The following FAIM2 variants were observed in gnomAD, a reference collection of about 807,000 sequenced individuals.
FAIM2 encodes the protein Fas apoptotic inhibitory molecule 2.
Under a neutral mutation model 47.4 loss-of-function variants are expected in FAIM2, and 27 were observed. The observed-to-expected ratio is 0.57, with a 90% CI of 0.42 to 0.78. The LOEUF (loss-of-function observed/expected upper bound fraction) is 0.78. Ranked by LOEUF, FAIM2 falls within the 30% of genes least tolerant of loss-of-function variation. The pLI is 0.00. For synonymous variants in FAIM2, 156 were observed against 159.3 expected (o/e 0.98, Z 0.16); for missense variants, 311 against 389.4 (o/e 0.80, Z 1.69).
chr12:49,879,282 GTA>G (rs537075049), intron 11 of FAIM2, among the ~76,000 whole-genome samples: 8,673 of 38,862 alleles, frequency 0.22, 1,711 homozygotes, highest in African/African-American at 0.45. Flanking sequence ...GTATATGTGT[GTA>G]TGTGTGTGGG....
intron 2 of FAIM2, chr12:49,900,131 A>G: frequency 1.8e-6 from 2 of 1,103,590 alleles, no homozygotes; most frequent in Non-Finnish European, 2.4e-6. Flanking sequence ...TAGGGAAGGG[A>G]GGAGGACACC....
At position 49,870,458 on chromosome 12, in the gene FAIM2, C is replaced by A. The variant is rs1404108923; in HGVS notation, c.*46G>T. ...GGAGCGCAGGGGAGGGACAGGGAAC[C>A]AGGAGGGGCGCATTCTCTGGAGGAC... On this transcript the variant is annotated 3_prime_UTR_variant, in exon 12 of 12. Transcript: ENST00000320634. 1 of 1,582,800 alleles carries A rather than the reference C, an allele frequency of 6.3e-7. No individual in the cohort carries two copies. The highest frequency in any genetic ancestry group is 8.6e-7 in the Non-Finnish European group (1 of 1,156,342).
intron 5 of FAIM2, among the ~76,000 whole-genome samples, chr12:49,895,826 C>T (rs1301400280): frequency 6.6e-6 from 1 of 152,216 alleles, no homozygotes; most frequent in African/African-American, 2.4e-5. Flanking sequence ...CAGGAACAGA[C>T]TTGGGACAGC....
At chr12:49,880,711 T>C (rs537942292) in intron 11 of FAIM2, among the ~76,000 whole-genome samples, 1 of 126,792 alleles carries the variant, frequency 7.9e-6, no homozygotes, top group East Asian at 2.3e-4. Context: ...TCCATGTGTG[T>C]ACATGCGTGT....
chr12:49,878,758 ATAT>A (rs1287724693), intron 11 of FAIM2, among the ~76,000 whole-genome samples: 5 of 109,712 alleles, frequency 4.6e-5, no homozygotes, highest in African/African-American at 2.1e-4. Context: ...ATATGTGTAT[ATAT>A]TTATTTGTGT....
intron 11 of FAIM2, 130 bp from the exon 12 acceptor site, chr12:49,870,783 G>A: frequency 1.2e-6 from 1 of 804,328 alleles, no homozygotes; most frequent in Non-Finnish European, 2.0e-6. Context: ...TGACTACCCA[G>A]TGGCCCTCCT....
chr12:49,879,714 GTA>G (rs925797698), intron 11 of FAIM2, among the ~76,000 whole-genome samples: 6 of 150,856 alleles, frequency 4.0e-5, no homozygotes, highest in Admixed American at 1.3e-4. Context: ...GTGTGTGTGT[GTA>G]TATGTGCAAG....
chr12:49,878,298 G>T (rs1194134760), intron 11 of FAIM2, among the ~76,000 whole-genome samples: 1 of 135,678 alleles, frequency 7.4e-6, no homozygotes. Context: ...GAGTGTATGG[G>T]TGTATGTGCA....
chr12:49,881,922 G>C (rs1030244848), intron 11 of FAIM2, among the ~76,000 whole-genome samples: 1 of 152,226 alleles, frequency 6.6e-6, no homozygotes, highest in African/African-American at 2.4e-5. Context: ...TCCACTGGGC[G>C]GCCTGCCCTC....
intron 11 of FAIM2, among the ~76,000 whole-genome samples, chr12:49,878,004 G>T (rs1188393709): frequency 6.6e-6 from 1 of 151,486 alleles, no homozygotes; most frequent in Admixed American, 6.6e-5. Context: ...ATGTGTGCAT[G>T]TGCATGTGTG....
chr12:49,884,969 G>A (rs112789089), intron 11 of FAIM2, among the ~76,000 whole-genome samples: 3,841 of 151,946 alleles, frequency 0.025, 70 homozygotes, highest in Middle Eastern at 0.037. Flanking sequence ...GTGAGACTCC[G>A]TCTCAAAAAA....
intron 11 of FAIM2, among the ~76,000 whole-genome samples, chr12:49,871,495 G>A (rs1158487573): frequency 1.3e-5 from 2 of 152,074 alleles, no homozygotes; most frequent in Admixed American, 6.5e-5. Context: ...CCTTTGCCAT[G>A]TAGCTTTCCT....
intron 7 of FAIM2, 49 bp downstream of exon 7, chr12:49,890,634 C>T: frequency 1.3e-6 from 2 of 1,570,538 alleles, no homozygotes; most frequent in Non-Finnish European, 1.8e-6. Context: ...TTCCCTTCTT[C>T]CTCCATCCCC....
intron 11 of FAIM2, among the ~76,000 whole-genome samples, chr12:49,877,720 C>T (rs1371655139): frequency 7.9e-5 from 12 of 152,056 alleles, no homozygotes; most frequent in Admixed American, 7.9e-4. Flanking sequence ...TGCGCGCACA[C>T]GGCATGTGGG....
In FAIM2 at chr12:49,868,068, C is replaced by G. The variant is rs1280764311; in HGVS notation, c.*2436G>C. 6.5e-6 allele frequency: 1 copy of G among 153,340 alleles called. No homozygotes were observed. Among genetic ancestry groups the G allele is most frequent in the East Asian group, 1.9e-4 (1 of 5,324 alleles). The allele number at this position is 153,340 out of a possible 1,614,324, so 9.5% of individuals were successfully genotyped here. A position where few individuals can be genotyped will look rare whatever the true frequency, so the allele number is the denominator to read the frequency against. On this transcript the variant is annotated 3_prime_UTR_variant, in exon 12 of 12. Coordinates refer to ENST00000320634, the MANE Select transcript of FAIM2 (RefSeq NM_012306.4). ...CTCAGCCCTGAATAAGCTTCTAAAT[C>G]CCCAGTTTCTGCAGTAACTTATCCC... is the stretch of plus-strand genomic sequence containing the variant.
Position 49,870,409 on chromosome 12 carries a change from G to C in FAIM2, c.*95C>G. On this transcript the variant is annotated 3_prime_UTR_variant, in exon 12 of 12. Transcript: ENST00000320634. The stretch of plus-strand genomic sequence containing the variant: ...GACCTGGCCACAGGCTGGGTTGGCA[G>C]CTAGTTTTATATCTGGTCTCGCAGG... 1 of 1,202,290 alleles carries C rather than the reference G, an allele frequency of 8.3e-7. No homozygotes were observed. The highest frequency in any genetic ancestry group is 2.3e-5 in the East Asian group (1 of 42,778). The allele number at this position is 1,202,290 out of a possible 1,614,324, so 74.5% of individuals were successfully genotyped here. A position where few individuals can be genotyped will look rare whatever the true frequency, so the allele number is the denominator to read the frequency against.
intron 3 of FAIM2, among the ~76,000 whole-genome samples, 189 bp from the exon 4 acceptor site, chr12:49,897,772 C>G (rs958362608): frequency 4.6e-5 from 7 of 151,978 alleles, no homozygotes; most frequent in Non-Finnish European, 1.0e-4. Context: ...GCACCCCCCC[C>G]CAGCATTGGG....
chr12:49,877,921 T>C (rs1035475519), intron 11 of FAIM2, among the ~76,000 whole-genome samples: 2 of 151,878 alleles, frequency 1.3e-5, no homozygotes, highest in African/African-American at 4.8e-5. Context: ...TCCATGTGAG[T>C]GTATGCATCT....
At chr12:49,892,685 T>C (rs1444110291) in intron 5 of FAIM2, among the ~76,000 whole-genome samples, 2 of 152,018 alleles carry the variant, frequency 1.3e-5, no homozygotes, top group Non-Finnish European at 2.9e-5. Context: ...CGATGTGGGG[T>C]CCTCTCCAGC....
Sources: allele counts gnomAD v4.1 joint callset (sites outside exome capture counted in the v4.1 genomes callset), GRCh38; gene constraint gnomAD v4.1.1; transcripts MANE v1.5; gene names NCBI Gene and HGNC (gene_info 2026-07-23, HGNC 2026-07-21).